WWOX: variants seen among roughly 807,000 people sequenced by gnomAD.
The protein encoded by WWOX is WW domain containing oxidoreductase.
In WWOX, 69 loss-of-function variants were observed where a neutral mutation model predicts 46.2. The observed-to-expected ratio is 1.49, with a 90% CI of 1.23 to 1.82. The LOEUF (loss-of-function observed/expected upper bound fraction) is 1.82, where lower values mean the gene tolerates loss of function less well. Among genes scored for constraint, WWOX ranks in the 40% most tolerant of loss-of-function variants. The pLI is 0.00. For synonymous variants in WWOX, 359 were observed against 202.6 expected (o/e 1.77, Z -6.56); for missense variants, 919 against 542.6 (o/e 1.69, Z -6.89).
At chr16:78,886,238 T>TC in intron 8 of WWOX, among the ~76,000 whole-genome samples, 1 of 151,608 alleles carries the variant, frequency 6.6e-6, no homozygotes, top group Non-Finnish European at 1.5e-5. Context: ...CTTTTTTTTT[T>TC]TTAAAGTATA....
intron 8 of WWOX, among the ~76,000 whole-genome samples, chr16:78,518,595 C>G (rs2043286621): frequency 6.6e-6 from 1 of 152,156 alleles, no homozygotes; most frequent in South Asian, 2.1e-4. Context: ...ACAATGGAAA[C>G]TTATAATTTT....
At chr16:78,151,474 A>G (rs1302260412) in intron 4 of WWOX, among the ~76,000 whole-genome samples, 8 of 152,166 alleles carry the variant, frequency 5.3e-5, no homozygotes, top group Non-Finnish European at 1.0e-4. Context: ...GAATTAGTTA[A>G]TGTGTTTCAT....
Position 78,963,123 on chromosome 16 carries a change from A to G in WWOX, c.1057-248485A>G, listed in dbSNP as rs111344426. Among the ~76,000 whole-genome samples, 476 of 152,236 alleles carry G rather than the reference A, an allele frequency of 3.1e-3. 1 individual carries two copies. Among genetic ancestry groups the G allele is most frequent in the African/African-American group, 0.01 (430 of 41,540 alleles). ...AACATTTCCCTCTATTTGCATCTCT[A>G]TCCATTTACCATTCCTCTTGTCTAT... On this transcript the variant is annotated intron_variant, in intron 8 of 8. Coordinates refer to ENST00000566780, the MANE Select transcript of WWOX (RefSeq NM_016373.4).
intron 8 of WWOX, among the ~76,000 whole-genome samples, chr16:79,194,887 C>T (rs553269233): frequency 1.6e-3 from 246 of 152,192 alleles, no homozygotes; most frequent in African/African-American, 5.3e-3. Flanking sequence ...GCTTTTTTCC[C>T]CCATGCCATA....
intron 8 of WWOX, among the ~76,000 whole-genome samples, chr16:78,789,436 C>G (rs1230052094): frequency 6.6e-6 from 1 of 152,124 alleles, no homozygotes; most frequent in African/African-American, 2.4e-5. Context: ...TCTTTGCACC[C>G]TTATCAGAGA....
Position 78,151,900 on chromosome 16 carries a change from T to C in WWOX, c.410-12283T>C, listed in dbSNP as rs751413144. Reference sequence around the variant, plus strand: ...ACTTTGACTTTTTTTCTTAATATTATAACATGGAGGCCAGGCGCGGTGGCT... The same window carrying C: ...ACTTTGACTTTTTTTCTTAATATTACAACATGGAGGCCAGGCGCGGTGGCT... On this transcript the variant is annotated intron_variant, in intron 4 of 8. Coordinates refer to ENST00000566780, the MANE Select transcript of WWOX (RefSeq NM_016373.4). Among the ~76,000 whole-genome samples, 148 of 152,190 alleles carry C rather than the reference T, an allele frequency of 9.7e-4. 1 individual carries two copies. Among genetic ancestry groups the C allele is most frequent in the Non-Finnish European group, 1.6e-3 (112 of 68,002 alleles).
At chr16:78,563,655 C>A (rs944747741) in intron 8 of WWOX, among the ~76,000 whole-genome samples, 48 of 151,470 alleles carry the variant, frequency 3.2e-4, no homozygotes, top group African/African-American at 1.1e-3. Context: ...ATTAAATTAT[C>A]CAGGAGGAAT....
At chr16:79,043,609 A>G (rs963663309) in intron 8 of WWOX, among the ~76,000 whole-genome samples, 6 of 152,196 alleles carry the variant, frequency 3.9e-5, no homozygotes, top group African/African-American at 1.4e-4. Context: ...ATGTTTGCTA[A>G]TAACACACAA....
intron 5 of WWOX, among the ~76,000 whole-genome samples, chr16:78,363,598 T>A (rs1181392753): frequency 2.0e-5 from 3 of 152,056 alleles, no homozygotes; most frequent in Admixed American, 6.6e-5. Flanking sequence ...TCAGAATGAT[T>A]TCATAAGAAA....
At chr16:79,105,074 G>C (rs1191567549) in intron 8 of WWOX, among the ~76,000 whole-genome samples, 1 of 152,136 alleles carries the variant, frequency 6.6e-6, no homozygotes, top group East Asian at 1.9e-4. Context: ...TGATATGACA[G>C]ACTGGAACCA....
At chr16:78,271,354 C>T (rs1276090339) in intron 5 of WWOX, among the ~76,000 whole-genome samples, 2 of 152,210 alleles carry the variant, frequency 1.3e-5, no homozygotes, top group African/African-American at 4.8e-5. Flanking sequence ...GCTTCCGTCA[C>T]CTCGTGCTTT....
intron 8 of WWOX, among the ~76,000 whole-genome samples, chr16:78,999,141 T>G (rs1379581761): frequency 2.6e-5 from 4 of 150,990 alleles, no homozygotes; most frequent in South Asian, 2.1e-4. Flanking sequence ...GGCTGATGCT[T>G]CTTCTTTTTT....
chr16:78,640,111 T>G (rs1213820180), intron 8 of WWOX, among the ~76,000 whole-genome samples: 8 of 151,870 alleles, frequency 5.3e-5, no homozygotes, highest in Admixed American at 6.6e-5. Flanking sequence ...CATTGAGTAT[T>G]GAGAAGAAAT....
rs765208489 is a variant in WWOX at position 78,147,472 on chromosome 16, G to A, written c.410-16711G>A. Among the ~76,000 whole-genome samples the A allele has an allele frequency of 1.3e-4, 19 of 151,982 alleles. No individual in the cohort carries two copies. In the East Asian group the frequency reaches 1.3e-3, roughly 11 times the overall value. On this transcript the variant is annotated intron_variant, in intron 4 of 8. Transcript: ENST00000566780. ...TGCGTCTTAAAAAGTTACTAGCGATGGAGAATGAAAAGTCAATTTGGACAC... is the reference window on the plus strand; with the variant it reads ...TGCGTCTTAAAAAGTTACTAGCGATAGAGAATGAAAAGTCAATTTGGACAC...
At chr16:78,938,419 T>C (rs1379677163) in intron 8 of WWOX, among the ~76,000 whole-genome samples, 1 of 151,984 alleles carries the variant, frequency 6.6e-6, no homozygotes, top group Non-Finnish European at 1.5e-5. Flanking sequence ...CACAGAGAGC[T>C]TGAGGACCTT....
chr16:78,443,325 A>T (rs1013977660), intron 8 of WWOX, among the ~76,000 whole-genome samples: 32 of 152,044 alleles, frequency 2.1e-4, no homozygotes, highest in African/African-American at 6.5e-4. Flanking sequence ...AAAAAAACCC[A>T]AAACTATATG....
chr16:78,713,907 C>G (rs2048503087), intron 8 of WWOX, among the ~76,000 whole-genome samples: 1 of 152,102 alleles, frequency 6.6e-6, no homozygotes, highest in Non-Finnish European at 1.5e-5. Flanking sequence ...ACAGAAACAC[C>G]CGAGGACTGT....
Position 79,178,677 on chromosome 16 carries a change from A to G in WWOX, c.1057-32931A>G, listed in dbSNP as rs1028031906. Among the ~76,000 whole-genome samples, 3 of 152,280 alleles carry G rather than the reference A, an allele frequency of 2.0e-5. No individual in the cohort carries two copies. In the South Asian group the frequency reaches 6.2e-4, roughly 32 times the overall value. On this transcript the variant is annotated intron_variant, in intron 8 of 8. Coordinates refer to ENST00000566780, the MANE Select transcript of WWOX (RefSeq NM_016373.4). ...CCAATCTTCGAAGAATCCGTAGTCC[A>G]TTTTTAAGTAGCTCTTGTCTTCCAA...
intron 4 of WWOX, among the ~76,000 whole-genome samples, chr16:78,148,312 A>G (rs1327728632): frequency 6.6e-6 from 1 of 152,174 alleles, no homozygotes; most frequent in African/African-American, 2.4e-5. Context: ...GTGTGTGCGC[A>G]TGCCTGTGTG....
Sources: allele counts gnomAD v4.1 joint callset (sites outside exome capture counted in the v4.1 genomes callset), GRCh38; gene constraint gnomAD v4.1.1; transcripts MANE v1.5; gene names NCBI Gene and HGNC (gene_info 2026-07-23, HGNC 2026-07-21).